Variants in EXOC1 observed in about 807,000 individuals in gnomAD.
EXOC1 encodes SEC3-like 1.
A neutral mutation model predicts 107.7 loss-of-function variants in EXOC1; 67 were observed. The ratio of observed to expected loss-of-function variants is 0.62; its 90% CI spans 0.51 to 0.76. The LOEUF (loss-of-function observed/expected upper bound fraction) is 0.76. EXOC1 is among the 30% of genes least tolerant of loss of function. The pLI is 0.00. For synonymous variants in EXOC1, 348 were observed against 353.5 expected, an observed-to-expected ratio of 0.98 and a Z score of 0.17; for missense variants, 833 against 1,055.7, an observed-to-expected ratio of 0.79 and a Z score of 2.92.
intron 17 of EXOC1, chr4:55,900,460 A>G (rs1165662892): frequency 6.6e-6 from 1 of 152,028 alleles, no homozygotes; most frequent in Non-Finnish European, 1.5e-5. Context: ...TCCCAGAGTA[A>G]GTCTGTTAAT....
In EXOC1 at chr4:55,868,476, G is replaced by T; in HGVS notation, c.556G>T (p.Glu186Ter). The T allele has an allele frequency of 6.2e-7, 1 of 1,613,888 alleles. No homozygotes were observed. Among genetic ancestry groups the T allele is most frequent in the Non-Finnish European group, 8.5e-7 (1 of 1,179,834 alleles). The change falls in exon 5 of 19, where the codon GAA (glutamate) becomes TAA (stop). Residue 186 changes from glutamate (E) to a stop codon, truncating the protein, a stop_gained. Coordinates refer to ENST00000381295, the MANE Select transcript of EXOC1 (RefSeq NM_001024924.2). LOFTEE classifies it high-confidence loss of function. ...EGCEYAISNAEAFAEKLSREL... is the reference protein window; with the variant it reads ...EGCEYAISNA ...CTGTGAATATGCAATCTCGAATGCGGAAGCCTTTGCAGAAAAATTGTCCAG... is the reference window on the plus strand; with the variant it reads ...CTGTGAATATGCAATCTCGAATGCGTAAGCCTTTGCAGAAAAATTGTCCAG...
chr4:55,865,549 G>C (rs188659114), intron 4 of EXOC1, among the ~76,000 whole-genome samples: 10 of 152,124 alleles, frequency 6.6e-5, no homozygotes, highest in African/African-American at 2.2e-4. Flanking sequence ...GCCTTGAATC[G>C]TGGTTTAATT....
At chr4:55,868,822 C>CT (rs1722182427) in intron 5 of EXOC1, 2 of 243,634 alleles carry the variant, frequency 8.2e-6, no homozygotes, top group East Asian at 1.5e-4. Flanking sequence ...CGCTCAGCCT[C>CT]TGAAACATGT....
intron 17 of EXOC1, chr4:55,900,710 CT>C (rs1191470247): frequency 6.6e-6 from 1 of 152,028 alleles, no homozygotes; most frequent in East Asian, 1.9e-4. Context: ...CCCGTCTTTA[CT>C]AAAAATGTAA....
chr4:55,889,398 C>A lies in EXOC1; in HGVS notation c.1375+466C>A, dbSNP rs1422967337. Among the ~76,000 whole-genome samples the A allele has an allele frequency of 3.3e-5, 5 of 152,104 alleles. No homozygotes were observed. In the East Asian group the frequency reaches 9.6e-4, roughly 29 times the overall value. ...TATGTTTAATTCTGAATAAAAATAT[C>A]ACATTTTCTTCTAAAAATCAAATCC... is the stretch of plus-strand genomic sequence containing the variant. On this transcript the variant is annotated intron_variant, in intron 11 of 18. Coordinates refer to ENST00000381295, the MANE Select transcript of EXOC1 (RefSeq NM_001024924.2).
intron 3 of EXOC1, among the ~76,000 whole-genome samples, chr4:55,863,026 G>A (rs764171671): frequency 2.3e-4 from 35 of 151,996 alleles, no homozygotes; most frequent in African/African-American, 5.8e-4. Flanking sequence ...TTAGCCTCCC[G>A]AGTAGCTGGG....
chr4:55,868,067 G>A (rs1722112931), intron 4 of EXOC1, among the ~76,000 whole-genome samples: 1 of 152,032 alleles, frequency 6.6e-6, no homozygotes, highest in African/African-American at 2.4e-5. Flanking sequence ...TTGTATTTTG[G>A]GAAACTGTGG....
At chr4:55,888,965 C>T (rs200214487) in intron 11 of EXOC1, 33 bp downstream of exon 11, 6 of 1,602,286 alleles carry the variant, frequency 3.7e-6, no homozygotes, top group Admixed American at 3.4e-5. Context: ...TAGGTATTCT[C>T]AATGCATGTT....
rs35227303 is a variant in EXOC1 at position 55,893,306 on chromosome 4, G to C, written c.1725-246G>C. Among the ~76,000 whole-genome samples the C allele has an allele frequency of 0.22, 33,918 of 151,976 alleles. 4,025 individuals carry two copies. Among genetic ancestry groups the C allele is most frequent in the Non-Finnish European group, 0.25 (17,185 of 67,938 alleles). ...GGCTAATTTTTGTACTTTTGGTAGA[G>C]ACAGGGTTTTACCATGTTGGCCAAG... is the stretch of plus-strand genomic sequence containing the variant. On this transcript the variant is annotated intron_variant, in intron 14 of 18. Transcript: ENST00000381295.
chr4:55,872,368 A>G (rs1329603238), intron 8 of EXOC1, among the ~76,000 whole-genome samples: 3 of 138,844 alleles, frequency 2.2e-5, no homozygotes, highest in Non-Finnish European at 3.1e-5. Context: ...TGTACTTAGT[A>G]CATAGTATAA....
intron 1 of EXOC1, among the ~76,000 whole-genome samples, chr4:55,857,846 G>A (rs1721141497): frequency 6.6e-6 from 1 of 152,198 alleles, no homozygotes; most frequent in Non-Finnish European, 1.5e-5. Context: ...TGGGTGTAAA[G>A]TGGTTGATAC....
At chr4:55,872,638 A>AG (rs1287445942) in intron 8 of EXOC1, 1 of 220,018 alleles carries the variant, frequency 4.5e-6, no homozygotes, top group Non-Finnish European at 7.7e-6. Flanking sequence ...ATGAAAAAAA[A>AG]TTGGGGGAAT....
intron 8 of EXOC1, chr4:55,875,476 A>G: frequency 1.0e-6 from 1 of 980,662 alleles, no homozygotes; most frequent in Non-Finnish European, 1.2e-6. Flanking sequence ...AAAAGTCACT[A>G]TAGCAAAGTG....
At position 55,904,741 on chromosome 4, in the gene EXOC1, C is replaced by A. The variant is rs543487357; in HGVS notation, c.*246C>A. 3.1e-6 allele frequency: 1 copy of A among 320,050 alleles called. No homozygotes were observed. The highest frequency in any genetic ancestry group is 5.6e-6 in the Non-Finnish European group (1 of 178,360). The allele number at this position is 320,050 out of a possible 1,614,324, so 19.8% of individuals were successfully genotyped here. On this transcript the variant is annotated 3_prime_UTR_variant, in exon 19 of 19. Transcript: ENST00000381295. The stretch of plus-strand genomic sequence containing the variant: ...TCATGTCACCATAAAATGCCTTTAG[C>A]ATTTCTCAATGACTGGATGGGAAAT...
chr4:55,899,945 A>ATGAATAACC (rs1725703207), intron 17 of EXOC1, 61 bp downstream of exon 17: 11 of 1,382,362 alleles, frequency 8.0e-6, no homozygotes, highest in East Asian at 2.3e-5. Flanking sequence ...AAGTTTGCAT[A>ATGAATAACC]TGAATAACCT....
At chr4:55,886,160 A>G (rs13150106) in intron 10 of EXOC1, among the ~76,000 whole-genome samples, 1 of 152,168 alleles carries the variant, frequency 6.6e-6, no homozygotes, top group African/African-American at 2.4e-5. Flanking sequence ...ATGTGTTTTC[A>G]CCATGTTTAA....
At chr4:55,874,188 T>TA (rs1722689349) in intron 8 of EXOC1, among the ~76,000 whole-genome samples, 2 of 152,176 alleles carry the variant, frequency 1.3e-5, no homozygotes, top group South Asian at 4.1e-4. Flanking sequence ...AATGTATAGT[T>TA]ACAACATTTA....
chr4:55,873,926 A>G (rs894398283), intron 8 of EXOC1, among the ~76,000 whole-genome samples: 6 of 152,166 alleles, frequency 3.9e-5, no homozygotes, highest in African/African-American at 1.4e-4. Context: ...ATATATAAGA[A>G]TAAGCAATAG....
At chr4:55,871,573 C>G (rs1722445512) in intron 7 of EXOC1, among the ~76,000 whole-genome samples, 1 of 152,124 alleles carries the variant, frequency 6.6e-6, no homozygotes, top group Non-Finnish European at 1.5e-5. Context: ...TTGTTAAAAA[C>G]ATAGATTGCC....
Sources: allele counts gnomAD v4.1 joint callset (sites outside exome capture counted in the v4.1 genomes callset), GRCh38; gene constraint gnomAD v4.1.1; transcripts MANE v1.5; gene names NCBI Gene and HGNC (gene_info 2026-07-23, HGNC 2026-07-21).